The following TSHZ3 variants were observed in gnomAD, a reference collection of about 807,000 sequenced individuals.
The protein encoded by TSHZ3 is teashirt zinc finger homeobox 3, also known as teashirt homolog 3.
In TSHZ3, 10 loss-of-function variants were observed where a neutral mutation model predicts 64.5. The observed-to-expected ratio is 0.16, with a 90% confidence interval of 0.10 to 0.26. The LOEUF is 0.26. TSHZ3 is among the 10% of genes least tolerant of loss of function. TSHZ3 has a pLI of 1.00. For missense variants in TSHZ3, 1,242 were observed against 1,421.7 expected, an observed-to-expected ratio of 0.87 and a Z score of 2.03; for synonymous variants, 608 against 593.1, an observed-to-expected ratio of 1.03 and a Z score of -0.36.
chr19:31,186,123 G>A (rs1350919048), intron 5 of TSHZ3, among the ~76,000 whole-genome samples: 9 of 152,096 alleles, frequency 5.9e-5, no homozygotes, highest in Admixed American at 2.0e-4. Flanking sequence ...ATCAAGTCGC[G>A]GTGACCGTTC....
intron 1 of TSHZ3, among the ~76,000 whole-genome samples, chr19:31,243,209 T>C (rs1348768190): frequency 1.3e-5 from 2 of 152,218 alleles, no homozygotes; most frequent in Non-Finnish European, 2.9e-5. Context: ...TTAAGAGAAG[T>C]ATAGTACTTC....
chr19:31,182,404 G>A (rs967044862), intron 5 of TSHZ3, among the ~76,000 whole-genome samples: 2 of 152,154 alleles, frequency 1.3e-5, no homozygotes, highest in Non-Finnish European at 2.9e-5. Context: ...GTCTGCCTAG[G>A]GGATAGTGGA....
chr19:31,337,906 C>A (rs1390305315), intron 1 of TSHZ3, among the ~76,000 whole-genome samples: 1 of 152,176 alleles, frequency 6.6e-6, no homozygotes, highest in Non-Finnish European at 1.5e-5. Flanking sequence ...ATTCTCATTT[C>A]TTTAGGTAGA....
At chr19:31,201,740 T>C (rs1975090011) in intron 5 of TSHZ3, among the ~76,000 whole-genome samples, 1 of 151,962 alleles carries the variant, frequency 6.6e-6, no homozygotes, top group Non-Finnish European at 1.5e-5. Context: ...AGACCAGAGA[T>C]GATGATTTAA....
At chr19:31,227,355 G>A (rs1975481387) in intron 4 of TSHZ3, among the ~76,000 whole-genome samples, 1 of 152,080 alleles carries the variant, frequency 6.6e-6, no homozygotes, top group Non-Finnish European at 1.5e-5. Context: ...GAGTTACTGA[G>A]TCAAAAGTGG....
chr19:31,259,703 C>CT (rs2145197813), intron 1 of TSHZ3, among the ~76,000 whole-genome samples: 1 of 152,248 alleles, frequency 6.6e-6, no homozygotes, highest in African/African-American at 2.4e-5. Context: ...CCTCATTCTT[C>CT]CAACTCAAGA....
At chr19:31,174,883 T>C (rs1974586291) in intron 5 of TSHZ3, among the ~76,000 whole-genome samples, 1 of 152,186 alleles carries the variant, frequency 6.6e-6, no homozygotes, top group South Asian at 2.1e-4. Context: ...CTTATGGGAA[T>C]AAACAAAAAT....
chr19:31,183,681 G>A (rs1349005917), intron 5 of TSHZ3, among the ~76,000 whole-genome samples: 2 of 152,122 alleles, frequency 1.3e-5, no homozygotes, highest in Non-Finnish European at 2.9e-5. Flanking sequence ...GGCTCAACCT[G>A]TAAGGAGGGA....
At chr19:31,290,916 A>T (rs1056203098) in intron 1 of TSHZ3, among the ~76,000 whole-genome samples, 1 of 152,180 alleles carries the variant, frequency 6.6e-6, no homozygotes, top group African/African-American at 2.4e-5. Context: ...CAGGAATATT[A>T]ATTTTGTACA....
intron 1 of TSHZ3, among the ~76,000 whole-genome samples, chr19:31,314,317 G>C (rs1263781002): frequency 6.6e-6 from 1 of 152,218 alleles, no homozygotes; most frequent in Non-Finnish European, 1.5e-5. Context: ...ATGGGAGAGA[G>C]AGCGGGCGGC....
At chr19:31,158,099 G>A (rs1384283786) in intron 5 of TSHZ3, among the ~76,000 whole-genome samples, 1 of 152,196 alleles carries the variant, frequency 6.6e-6, no homozygotes, top group Non-Finnish European at 1.5e-5. Context: ...TGCCCTAATT[G>A]TACTTTCCTA....
intron 5 of TSHZ3, among the ~76,000 whole-genome samples, chr19:31,203,819 CT>C (rs2145152425): frequency 6.6e-6 from 1 of 151,942 alleles, no homozygotes; most frequent in Admixed American, 6.5e-5. Flanking sequence ...TCCTTTCTTT[CT>C]TCTCCCCTCT....
chr19:31,228,928 T>C (rs1212314931), intron 3 of TSHZ3, among the ~76,000 whole-genome samples: 2 of 152,178 alleles, frequency 1.3e-5, no homozygotes, highest in Admixed American at 6.5e-5. Flanking sequence ...CCTCTCTCCA[T>C]CTCCTCCTTC....
At chr19:31,298,981 G>A (rs1976709040) in intron 1 of TSHZ3, among the ~76,000 whole-genome samples, 1 of 152,208 alleles carries the variant, frequency 6.6e-6, no homozygotes, top group Non-Finnish European at 1.5e-5. Flanking sequence ...GACCACCTGA[G>A]GTTAGGAGTT....
At chr19:31,329,129 G>A (rs895793908) in intron 1 of TSHZ3, among the ~76,000 whole-genome samples, 1 of 152,176 alleles carries the variant, frequency 6.6e-6, no homozygotes, top group African/African-American at 2.4e-5. Context: ...ACTGAAAACG[G>A]ATATTTGTTA....
chr19:31,268,298 C>A (rs1301569017), intron 1 of TSHZ3, among the ~76,000 whole-genome samples: 3 of 152,144 alleles, frequency 2.0e-5, no homozygotes, highest in Admixed American at 1.3e-4. Flanking sequence ...CTCCCTGGGA[C>A]CACCCACTGG....
At position 31,276,673 on chromosome 19, in the gene TSHZ3, G is replaced by A. The variant is rs772673120; in HGVS notation, c.3120C>T (p.Ser1040=). The part of the protein sequence containing the change: ...TSSPEEDLGT[S]YQCKLCNRTF... ...TCCGATTGCAAAGTTTGCACTGATA[G>A]GAAGTCCCCAGGTCTTCCTCGGGGG... The change falls in exon 2 of 2, where the codon TCC becomes TCT. Residue 1040 remains serine, a synonymous_variant. Coordinates refer to ENST00000240587, the MANE Select transcript of TSHZ3 (RefSeq NM_020856.4). 3.1e-6 allele frequency: 5 copies of A among 1,613,788 alleles called. No homozygotes were observed. In the Admixed American group the frequency reaches 5.0e-5, roughly 16 times the overall value.
chr19:31,272,905 C>T (rs534481796), downstream of TSHZ3, among the ~76,000 whole-genome samples: 242 of 152,324 alleles, frequency 1.6e-3, 1 homozygote, highest in Non-Finnish European at 2.8e-3. Context: ...ATCCCCCCTC[C>T]TCCCTGCACC....
intron 1 of TSHZ3, among the ~76,000 whole-genome samples, chr19:31,290,117 G>T (rs1329373836): frequency 1.3e-5 from 2 of 152,124 alleles, no homozygotes; most frequent in African/African-American, 4.8e-5. Context: ...CCCGATTTAG[G>T]GCCTAGAGCT....
Sources: gnomAD v4.1 joint callset for allele counts (sites outside exome capture counted in the v4.1 genomes callset) on GRCh38, gnomAD v4.1.1 for gene constraint, MANE v1.5 for transcripts, NCBI Gene and HGNC (gene_info 2026-07-23, HGNC 2026-07-21) for gene names.